Variants in SH3D19 observed in about 807,000 individuals in gnomAD.
SH3D19 encodes the protein SH3 domain containing 19, also known as SH3 domain-containing protein 19.
A neutral mutation model predicts 112.1 loss-of-function variants in SH3D19; 58 were observed. That is an observed-to-expected ratio of 0.52 (90% CI 0.42 to 0.64). The LOEUF is 0.64. SH3D19 is among the 30% of genes least tolerant of loss of function. The pLI, the probability that SH3D19 is intolerant of heterozygous loss-of-function variation, is 0.00. For missense variants in SH3D19, 1,090 were observed against 1,263.4 expected, an observed-to-expected ratio of 0.86 and a Z score of 2.08; for synonymous variants, 391 against 448.5, an observed-to-expected ratio of 0.87 and a Z score of 1.62.
At chr4:151,190,791 G>A (rs957829802) in intron 2 of SH3D19, among the ~76,000 whole-genome samples, 7 of 152,176 alleles carry the variant, frequency 4.6e-5, no homozygotes, top group Non-Finnish European at 7.3e-5. Flanking sequence ...ATGTGGGGTC[G>A]GAGCCCCAAC....
intron 1 of SH3D19, among the ~76,000 whole-genome samples, chr4:151,316,486 C>T (rs1729994021): frequency 6.6e-6 from 1 of 152,106 alleles, no homozygotes; most frequent in Admixed American, 6.6e-5. Flanking sequence ...TACTAAGATG[C>T]TAATAATCAG....
intron 1 of SH3D19, among the ~76,000 whole-genome samples, chr4:151,250,512 A>G (rs1427858515): frequency 1.5e-5 from 2 of 131,244 alleles, no homozygotes; most frequent in Non-Finnish European, 1.8e-5. Context: ...CAAGACAAGA[A>G]AGAGAGAGAG....
At chr4:151,295,427 C>T (rs1775634672) in intron 1 of SH3D19, among the ~76,000 whole-genome samples, 1 of 152,216 alleles carries the variant, frequency 6.6e-6, no homozygotes. Flanking sequence ...TGCTGTCTTA[C>T]CGTCCCCTAT....
intron 8 of SH3D19, among the ~76,000 whole-genome samples, 153 bp downstream of exon 8, chr4:151,165,436 C>A (rs1304914065): frequency 6.6e-6 from 1 of 152,158 alleles, no homozygotes; most frequent in African/African-American, 2.4e-5. Flanking sequence ...TGAACTAATT[C>A]TTCGAAGAAT....
In SH3D19 at chr4:151,226,092, G is replaced by C. The variant is rs1768948332; in HGVS notation, c.113-6C>G. The C allele has an allele frequency of 1.6e-6, 2 of 1,231,646 alleles. No homozygotes were observed. Among genetic ancestry groups the C allele is most frequent in the African/African-American group, 3.1e-5 (2 of 64,424 alleles). 76.3% of individuals were successfully genotyped at this position (1,231,646 alleles called of 1,614,324 possible). A position where few individuals can be genotyped will look rare whatever the true frequency, so the allele number is the denominator to read the frequency against. On this transcript the variant is annotated splice_polypyrimidine_tract_variant and splice_region_variant and intron_variant, in intron 1 of 19. Transcript: ENST00000604030. Reference sequence around the variant, plus strand: ...TTTATTTCGTTCGTTGCGATCTGTAGAGAAAGAAGATGGTTACGTGTCAAA... The same window carrying C: ...TTTATTTCGTTCGTTGCGATCTGTACAGAAAGAAGATGGTTACGTGTCAAA...
At chr4:151,194,226 CCAGTTGG>C (rs1763075378) in intron 2 of SH3D19, among the ~76,000 whole-genome samples, 1 of 150,924 alleles carries the variant, frequency 6.6e-6, no homozygotes, top group Non-Finnish European at 1.5e-5. Context: ...TGGGGTCTCA[CCAGTTGG>C]CCAGGCTGGT....
Position 151,149,575 on chromosome 4 carries a change from A to T in SH3D19, c.1756-14T>A. The T allele has an allele frequency of 6.2e-7, 1 of 1,610,324 alleles. No individual in the cohort carries two copies. ...GTGGTTGGATTCCTGCAAGTAGCAG[A>T]GAATGCTTTTTAGTTAAGGTTAATC... On this transcript the variant is annotated splice_polypyrimidine_tract_variant and intron_variant, in intron 9 of 19. Coordinates refer to ENST00000604030, the MANE Select transcript of SH3D19 (RefSeq NM_001378122.1).
At chr4:151,240,398 A>T (rs1330106179) in intron 1 of SH3D19, among the ~76,000 whole-genome samples, 1 of 151,714 alleles carries the variant, frequency 6.6e-6, no homozygotes. Flanking sequence ...GCGACAAAGC[A>T]AGAACATGTC....
chr4:151,248,423 T>C (rs1489844569), intron 1 of SH3D19, among the ~76,000 whole-genome samples: 1 of 152,232 alleles, frequency 6.6e-6, no homozygotes, highest in Non-Finnish European at 1.5e-5. Context: ...TAGTTTGCAT[T>C]GAATAGAGAT....
intron 1 of SH3D19, 101 bp downstream of exon 1, chr4:151,325,136 CCCAT>C (rs1392978311): frequency 3.8e-6 from 2 of 521,814 alleles, no homozygotes; most frequent in Non-Finnish European, 5.8e-6. Context: ...AGAAGCCGGT[CCCAT>C]CCCGGCGCGT....
rs550201394 is a variant in SH3D19 at position 151,129,147 on chromosome 4, T to TA, written c.2743-792dup. ...GGTCTTTACTTGATTCAGAGACAATTAGAGTCCATAGCACAGAACTTCATC... is the reference window on the plus strand; with the variant it reads ...GGTCTTTACTTGATTCAGAGACAATTAAGAGTCCATAGCACAGAACTTCATC... On this transcript the variant is annotated intron_variant, in intron 17 of 19. Transcript: ENST00000604030. Among the ~76,000 whole-genome samples the TA allele has an allele frequency of 2.0e-4, 30 of 152,336 alleles. 1 individual carries two copies. In the East Asian group the frequency reaches 2.9e-3, roughly 15 times the overall value.
At chr4:151,215,547 C>T (rs1258892684) in intron 2 of SH3D19, among the ~76,000 whole-genome samples, 2 of 152,184 alleles carry the variant, frequency 1.3e-5, no homozygotes, top group South Asian at 2.1e-4. Context: ...CTCAATCCTC[C>T]TGTCCAAAAG....
intron 1 of SH3D19, among the ~76,000 whole-genome samples, chr4:151,258,421 T>C (rs1340612562): frequency 6.6e-6 from 1 of 152,328 alleles, no homozygotes; most frequent in African/African-American, 2.4e-5. Flanking sequence ...CCTCCATTGG[T>C]TCACCTTTGG....
intron 2 of SH3D19, among the ~76,000 whole-genome samples, chr4:151,203,060 T>C (rs935824632): frequency 9.9e-5 from 15 of 152,130 alleles, no homozygotes; most frequent in Admixed American, 2.6e-4. Context: ...AATGTGACTG[T>C]TGGTGGTGGG....
At chr4:151,322,630 T>A (rs1561460032) in intron 1 of SH3D19, among the ~76,000 whole-genome samples, 2 of 152,116 alleles carry the variant, frequency 1.3e-5, no homozygotes. Flanking sequence ...TCAACTATCA[T>A]CCTTTGTTGT....
At chr4:151,279,091 T>C in intron 1 of SH3D19, 1 of 422,782 alleles carries the variant, frequency 2.4e-6, no homozygotes, top group Non-Finnish European at 4.6e-6. Context: ...CATCCACAGA[T>C]AAAGCTGTGG....
In SH3D19 at chr4:151,127,783, T is replaced by A. The variant is rs182320766; in HGVS notation, c.2930-68A>T. On this transcript the variant is annotated intron_variant, in intron 18 of 19. Transcript: ENST00000604030. ...ACTAAAACACAAATCTAACATTTTT[T>A]AAAAAAAAACGCTTATCGCTCTAAA... is the stretch of plus-strand genomic sequence containing the variant. 2,686 of 934,020 alleles carry A rather than the reference T, an allele frequency of 2.9e-3. 10 individuals are homozygous for A. Among genetic ancestry groups the A allele is most frequent in the African/African-American group, 8.1e-3 (466 of 57,594 alleles). 57.9% of individuals were successfully genotyped at this position (934,020 alleles called of 1,614,324 possible). A position where few individuals can be genotyped will look rare whatever the true frequency, so the allele number is the denominator to read the frequency against.
chr4:151,168,175 G>GAAGGTGAGAAGTATATTGAAA (rs139601739), intron 7 of SH3D19, among the ~76,000 whole-genome samples: 1 of 150,926 alleles, frequency 6.6e-6, no homozygotes, highest in African/African-American at 2.4e-5. Flanking sequence ...AGGTTTATTA[G>GAAGGTGAGAAGTATATTGAAA]AAGGTGAGAA....
At chr4:151,312,293 A>G (rs1466094970) in intron 1 of SH3D19, among the ~76,000 whole-genome samples, 1 of 152,216 alleles carries the variant, frequency 6.6e-6, no homozygotes, top group African/African-American at 2.4e-5. Flanking sequence ...GGAAAAACAT[A>G]ACAGTTCAAA....
Sources: allele counts gnomAD v4.1 joint callset (sites outside exome capture counted in the v4.1 genomes callset), GRCh38; gene constraint gnomAD v4.1.1; transcripts MANE v1.5; gene names NCBI Gene and HGNC (gene_info 2026-07-23, HGNC 2026-07-21).